AGMO: variants seen among roughly 807,000 people sequenced by gnomAD.
The protein encoded by AGMO is alkylglycerol monooxygenase.
A neutral mutation model predicts 60.2 loss-of-function variants in AGMO; 75 were observed. That is an observed-to-expected ratio of 1.25 (90% CI 1.03 to 1.51). The LOEUF (loss-of-function observed/expected upper bound fraction) is 1.51. AGMO is among the 40% of genes most tolerant of loss of function. AGMO has a pLI of 0.00. For synonymous variants in AGMO, 261 were observed against 177.1 expected (o/e 1.47, Z -3.76); for missense variants, 763 against 525.5 (o/e 1.45, Z -4.42).
At position 15,232,407 on chromosome 7, in the gene AGMO, G is replaced by C. The variant is rs570917608; in HGVS notation, c.1264-31048C>G. Among the ~76,000 whole-genome samples the C allele has an allele frequency of 2.3e-3, 351 of 152,214 alleles. 1 individual carries two copies. Among genetic ancestry groups the C allele is most frequent in the African/African-American group, 8.0e-3 (331 of 41,534 alleles). ...TCTTCCTTCTCTCCTTCTCCCCACT[G>C]TTCTTGTGCCAACGTTCTTTCTTAG... On this transcript the variant is annotated intron_variant, in intron 12 of 12. Coordinates refer to ENST00000342526, the MANE Select transcript of AGMO (RefSeq NM_001004320.2).
chr7:15,456,078 C>A (rs1174070906), intron 3 of AGMO, among the ~76,000 whole-genome samples: 2 of 152,026 alleles, frequency 1.3e-5, no homozygotes, highest in Non-Finnish European at 2.9e-5. Flanking sequence ...GTTTTCTTAT[C>A]TATGTCTATG....
chr7:15,420,524 T>C lies in AGMO; in HGVS notation c.514-1871A>G, dbSNP rs149371761. The stretch of plus-strand genomic sequence containing the variant: ...GAATCACATGAGTGATAATTTCTTA[T>C]GATTAATACTGTTCTAGAAAAAGAA... On this transcript the variant is annotated intron_variant, in intron 4 of 12. Coordinates refer to ENST00000342526, the MANE Select transcript of AGMO (RefSeq NM_001004320.2). Among the ~76,000 whole-genome samples the C allele has an allele frequency of 4.3e-4, 65 of 152,276 alleles. 2 individuals are homozygous for C. The East Asian group carries it at 0.012, about 28-fold the overall frequency.
At chr7:15,402,139 A>G (rs959784694) in intron 5 of AGMO, among the ~76,000 whole-genome samples, 1 of 152,168 alleles carries the variant, frequency 6.6e-6, no homozygotes, top group African/African-American at 2.4e-5. Flanking sequence ...GAAAATGACA[A>G]TTTTTAAAGA....
intron 10 of AGMO, among the ~76,000 whole-genome samples, chr7:15,373,720 T>G (rs1218249781): frequency 2.0e-5 from 3 of 152,186 alleles, no homozygotes; most frequent in African/African-American, 7.2e-5. Flanking sequence ...TTAAACTTTA[T>G]GCATTGTCAA....
intron 3 of AGMO, among the ~76,000 whole-genome samples, chr7:15,441,433 G>T (rs1483033470): frequency 6.6e-6 from 1 of 152,146 alleles, no homozygotes; most frequent in Non-Finnish European, 1.5e-5. Context: ...CGTGAGTTTG[G>T]TTTTGGTGCA....
At chr7:15,349,119 G>A (rs1782139696) in intron 12 of AGMO, among the ~76,000 whole-genome samples, 1 of 152,046 alleles carries the variant, frequency 6.6e-6, no homozygotes, top group African/African-American at 2.4e-5. Context: ...AGAGGCACAT[G>A]GACAATAATC....
At chr7:15,131,756 TAA>T in the AGMO span, among the ~76,000 whole-genome samples, 1 of 70,664 alleles carries the variant, frequency 1.4e-5, no homozygotes, top group Non-Finnish European at 2.9e-5. Flanking sequence ...CCAAAGAAAT[TAA>T]CACACACACA....
intron 12 of AGMO, among the ~76,000 whole-genome samples, chr7:15,206,710 G>A (rs1781448369): frequency 6.6e-6 from 1 of 152,062 alleles, no homozygotes; most frequent in Admixed American, 6.6e-5. Context: ...TTATTGAAAA[G>A]AATATCCTTC....
chr7:15,193,151 AC>A, the AGMO span, among the ~76,000 whole-genome samples: 1 of 152,126 alleles, frequency 6.6e-6, no homozygotes, highest in Non-Finnish European at 1.5e-5. Flanking sequence ...CTTGCAATTG[AC>A]TTTTCTCTGC....
chr7:15,509,693 T>C lies in AGMO; in HGVS notation c.409+35079A>G, dbSNP rs186143561. ...AATAAAAGGTATATGACCCAAGATA[T>C]AGGAGAAACTACTCATCAGTAAAAA... On this transcript the variant is annotated intron_variant, in intron 3 of 12. Coordinates refer to ENST00000342526, the MANE Select transcript of AGMO (RefSeq NM_001004320.2). 2.4e-3 allele frequency among the ~76,000 whole-genome samples: 364 copies of C among 152,156 alleles called. 2 individuals are homozygous for C. The highest frequency in any genetic ancestry group is 8.4e-3 in the African/African-American group (349 of 41,516).
At chr7:15,371,948 ATT>A (rs531000548) in intron 10 of AGMO, among the ~76,000 whole-genome samples, 13 of 152,232 alleles carry the variant, frequency 8.5e-5, no homozygotes, top group African/African-American at 2.9e-4. Flanking sequence ...ATATTTAAAT[ATT>A]AAGTACCTTA....
the AGMO span, among the ~76,000 whole-genome samples, chr7:15,130,066 C>T: frequency 9.9e-5 from 15 of 152,006 alleles, no homozygotes; most frequent in African/African-American, 3.4e-4. Flanking sequence ...ATTCCTCCCC[C>T]TTTGCAATTT....
intron 12 of AGMO, among the ~76,000 whole-genome samples, chr7:15,315,487 G>A (rs977672936): frequency 1.3e-5 from 2 of 151,536 alleles, no homozygotes; most frequent in African/African-American, 2.4e-5. Flanking sequence ...ACAGGCATGC[G>A]CCACCACGCC....
intron 12 of AGMO, among the ~76,000 whole-genome samples, chr7:15,302,440 G>GTATT (rs1490037622): frequency 1.3e-5 from 2 of 152,110 alleles, no homozygotes; most frequent in Non-Finnish European, 2.9e-5. Flanking sequence ...AAGGTATACA[G>GTATT]TATTTCCACC....
At chr7:15,118,019 C>T in the AGMO span, among the ~76,000 whole-genome samples, 1 of 151,784 alleles carries the variant, frequency 6.6e-6, no homozygotes, top group African/African-American at 2.4e-5. Context: ...ATACCTTCAG[C>T]CAAAATACAA....
the AGMO span, among the ~76,000 whole-genome samples, chr7:15,142,091 G>A: frequency 2.6e-5 from 4 of 152,018 alleles, no homozygotes; most frequent in Non-Finnish European, 5.9e-5. Flanking sequence ...TATCAAGGTC[G>A]AGATCTGTCA....
intron 12 of AGMO, among the ~76,000 whole-genome samples, chr7:15,324,886 C>A (rs1053927723): frequency 6.6e-6 from 1 of 152,058 alleles, no homozygotes; most frequent in African/African-American, 2.4e-5. Flanking sequence ...TCACCTCCTG[C>A]TGTGTGGTCC....
At chr7:15,243,579 A>G (rs1204607969) in intron 12 of AGMO, among the ~76,000 whole-genome samples, 1 of 152,170 alleles carries the variant, frequency 6.6e-6, no homozygotes, top group African/African-American at 2.4e-5. Flanking sequence ...GAGAGTTTCA[A>G]AGACAGAAGT....
At chr7:15,241,364 G>C (rs1431244076) in intron 12 of AGMO, among the ~76,000 whole-genome samples, 2 of 147,668 alleles carry the variant, frequency 1.4e-5, no homozygotes, top group Non-Finnish European at 3.0e-5. Context: ...GGAGGCTGAG[G>C]CAGGAGAATG....
Sources: allele counts gnomAD v4.1 joint callset (sites outside exome capture counted in the v4.1 genomes callset), GRCh38; gene constraint gnomAD v4.1.1; transcripts MANE v1.5; gene names NCBI Gene and HGNC (gene_info 2026-07-23, HGNC 2026-07-21).